Variants in POU6F2 observed in about 807,000 individuals in gnomAD.
POU6F2 encodes the protein POU domain, class 6, transcription factor 2.
POU6F2 carries 31 observed loss-of-function variants against 71.3 expected under a neutral mutation model. That is an observed-to-expected ratio of 0.43 (90% CI 0.33 to 0.59). The LOEUF (loss-of-function observed/expected upper bound fraction) is 0.59. POU6F2 is among the 20% of genes least tolerant of loss of function. The probability of loss-of-function intolerance (pLI) is 0.04; values close to 1 mark genes in which losing one functional copy is unlikely to be tolerated. For missense variants in POU6F2, 783 were observed against 856.8 expected, an observed-to-expected ratio of 0.91 and a Z score of 1.07; for synonymous variants, 347 against 355.7, an observed-to-expected ratio of 0.98 and a Z score of 0.27.
At chr7:39,127,253 G>A (rs578176023) in intron 2 of POU6F2, among the ~76,000 whole-genome samples, 5 of 152,240 alleles carry the variant, frequency 3.3e-5, no homozygotes, top group African/African-American at 9.6e-5. Flanking sequence ...TTGTGGCTGC[G>A]ATAATAACAC....
chr7:39,206,849 A>G (rs898295989), intron 3 of POU6F2, among the ~76,000 whole-genome samples: 10 of 152,246 alleles, frequency 6.6e-5, no homozygotes, highest in South Asian at 4.1e-4. Context: ...GCAGCTCTTG[A>G]TAATCTATTT....
chr7:39,296,843 C>T (rs897519609), intron 4 of POU6F2, among the ~76,000 whole-genome samples: 1 of 152,170 alleles, frequency 6.6e-6, no homozygotes, highest in Non-Finnish European at 1.5e-5. Context: ...GTGCCTGGCC[C>T]ATGTCTCTCA....
intron 2 of POU6F2, among the ~76,000 whole-genome samples, chr7:39,160,654 C>T (rs1253049412): frequency 6.6e-6 from 1 of 152,198 alleles, no homozygotes; most frequent in African/African-American, 2.4e-5. Flanking sequence ...CTGCCTCTAC[C>T]ATCAGCCCTA....
intron 4 of POU6F2, among the ~76,000 whole-genome samples, chr7:39,226,347 C>T (rs1016780266): frequency 6.6e-6 from 1 of 152,256 alleles, no homozygotes; most frequent in East Asian, 1.9e-4. Flanking sequence ...GTGGAGAGGC[C>T]TGTATCCTTT....
intron 2 of POU6F2, among the ~76,000 whole-genome samples, chr7:39,103,661 C>T (rs1002601480): frequency 1.3e-5 from 2 of 152,146 alleles, no homozygotes; most frequent in African/African-American, 4.8e-5. Context: ...CCATCCTAAA[C>T]CCTTACCACA....
At chr7:39,374,060 G>T (rs1786663258) in intron 5 of POU6F2, among the ~76,000 whole-genome samples, 2 of 152,076 alleles carry the variant, frequency 1.3e-5, no homozygotes, top group South Asian at 2.1e-4. Flanking sequence ...TCAAACACTT[G>T]TAATATTTCC....
chr7:39,409,772 C>T (rs1366661444), intron 6 of POU6F2, among the ~76,000 whole-genome samples: 1 of 152,200 alleles, frequency 6.6e-6, no homozygotes, highest in Non-Finnish European at 1.5e-5. Flanking sequence ...GAAATCCCCC[C>T]TCCTGGGACT....
chr7:39,151,141 A>G (rs1792750157), intron 2 of POU6F2, among the ~76,000 whole-genome samples: 1 of 152,048 alleles, frequency 6.6e-6, no homozygotes, highest in South Asian at 2.1e-4. Context: ...CTGAAGTGGC[A>G]TTGCTTTCTT....
chr7:38,996,392 C>T (rs1047259238), intron 1 of POU6F2, among the ~76,000 whole-genome samples: 6 of 151,818 alleles, frequency 4.0e-5, no homozygotes, highest in African/African-American at 1.4e-4. Flanking sequence ...TCTTACCTCT[C>T]TTCTATTTAT....
chr7:39,464,410 C>T lies in POU6F2; in HGVS notation c.1887C>T (p.Ile629=), dbSNP rs1481046296. Residue 629 remains isoleucine, a synonymous_variant, in exon 10 of 10, where the codon ATC becomes ATT. Transcript: ENST00000518318. This position sits in a 1 kb window ranked among gnomAD's most constrained non-coding sequence, Gnocchi z 4.1. ...RAGMQNLTEF[I]GSEPSKKRKR... ...GTATGCAGAACCTGACCGAGTTTAT[C>T]GGGAGTGAACCATCCAAAAAGCGCA... 5 of 1,613,870 alleles carry T rather than the reference C, an allele frequency of 3.1e-6. No homozygotes were observed. Among genetic ancestry groups the T allele is most frequent in the African/African-American group, 1.3e-5 (1 of 74,928 alleles).
intron 4 of POU6F2, among the ~76,000 whole-genome samples, chr7:39,255,524 G>A (rs554543915): frequency 2.6e-5 from 4 of 152,138 alleles, no homozygotes; most frequent in Non-Finnish European, 5.9e-5. Flanking sequence ...ATAAATGTTT[G>A]GGGTATTAAT....
rs1353636001 is a variant in POU6F2, at chr7:39,212,000, T to TC, written c.598+4381dup. On this transcript the variant is annotated intron_variant, in intron 4 of 9. Transcript: ENST00000518318. ...TCTCCATTTTTCTCTGTCTCCATCATCTTTATCCTTATCTCCATGTCTGTC... is the reference window on the plus strand; with the variant it reads ...TCTCCATTTTTCTCTGTCTCCATCATCCTTTATCCTTATCTCCATGTCTGTC... Among the ~76,000 whole-genome samples the TC allele has an allele frequency of 3.3e-3, 499 of 152,316 alleles. 5 individuals are homozygous for TC. Among genetic ancestry groups the TC allele is most frequent in the African/African-American group, 0.012 (488 of 41,564 alleles).
chr7:39,000,267 T>C (rs1013123155), intron 1 of POU6F2, among the ~76,000 whole-genome samples: 1 of 152,192 alleles, frequency 6.6e-6, no homozygotes, highest in Non-Finnish European at 1.5e-5. Context: ...TTGAAGCTTA[T>C]AGATATACTC....
At chr7:38,993,849 T>C (rs937061973) in intron 1 of POU6F2, among the ~76,000 whole-genome samples, 1 of 152,134 alleles carries the variant, frequency 6.6e-6, no homozygotes, top group South Asian at 2.1e-4. Flanking sequence ...AGGAGTAACA[T>C]GTTCTCAGGG....
At chr7:39,015,982 GATAT>G (rs1228022021) in intron 1 of POU6F2, among the ~76,000 whole-genome samples, 1 of 7,134 alleles carries the variant, frequency 1.4e-4, no homozygotes, top group African/African-American at 4.9e-4. Flanking sequence ...ATTATATATA[GATAT>G]ATATAATATA....
At chr7:39,083,532 A>C (rs2128720402) in intron 1 of POU6F2, 1 of 150,368 alleles carries the variant, frequency 6.7e-6, no homozygotes, top group South Asian at 2.2e-4. Flanking sequence ...CAGAACTCGA[A>C]CATGCATGCT....
chr7:39,023,038 G>A (rs750440972), intron 1 of POU6F2, among the ~76,000 whole-genome samples: 17 of 151,958 alleles, frequency 1.1e-4, no homozygotes, highest in South Asian at 6.2e-4. Flanking sequence ...AATCATTCTC[G>A]TAGGTGGGTA....
intron 5 of POU6F2, among the ~76,000 whole-genome samples, chr7:39,366,118 C>T (rs995899371): frequency 6.6e-6 from 1 of 152,130 alleles, no homozygotes; most frequent in Non-Finnish European, 1.5e-5. Context: ...TAACCAGTAA[C>T]AAACTCCAGT....
At chr7:39,254,309 C>T (rs1001728095) in intron 4 of POU6F2, among the ~76,000 whole-genome samples, 1 of 152,054 alleles carries the variant, frequency 6.6e-6, no homozygotes, top group East Asian at 1.9e-4. Context: ...AATACCGTCC[C>T]ATCAGAAAAG....
Sources: gnomAD v4.1 joint callset for allele counts (sites outside exome capture counted in the v4.1 genomes callset) on GRCh38, gnomAD v4.1.1 for gene constraint, Gnocchi (gnomAD v3.1) non-coding constraint, MANE v1.5 for transcripts, NCBI Gene and HGNC (gene_info 2026-07-23, HGNC 2026-07-21) for gene names.